Variants in INSR observed in about 807,000 individuals in gnomAD.
INSR encodes insulin receptor, also known as IR.
INSR carries 67 observed loss-of-function variants against 142.6 expected under a neutral mutation model. The observed-to-expected ratio is 0.47, with a 90% CI of 0.39 to 0.58. The LOEUF is 0.58. Ranked by LOEUF, INSR falls within the 20% of genes least tolerant of loss-of-function variation. The probability of loss-of-function intolerance (pLI) is 0.00; values close to 1 mark genes in which losing one functional copy is unlikely to be tolerated. For missense variants in INSR, 1,248 were observed against 1,833.2 expected, an observed-to-expected ratio of 0.68 and a Z score of 5.83; for synonymous variants, 756 against 743.1, an observed-to-expected ratio of 1.02 and a Z score of -0.28.
chr19:7,245,986 C>G (rs1976527313), intron 2 of INSR, among the ~76,000 whole-genome samples: 1 of 151,934 alleles, frequency 6.6e-6, no homozygotes, highest in South Asian at 2.1e-4. Context: ...AGTTAAATTC[C>G]TACTCAAAAA....
At chr19:7,124,200 A>T (rs1360181380) in intron 17 of INSR, among the ~76,000 whole-genome samples, 2 of 151,032 alleles carry the variant, frequency 1.3e-5, no homozygotes, top group Non-Finnish European at 1.5e-5. Flanking sequence ...CGTCTCTAAT[A>T]AAAAAAAGTA....
chr19:7,240,848 T>G (rs892594316), intron 2 of INSR, among the ~76,000 whole-genome samples: 6 of 152,214 alleles, frequency 3.9e-5, no homozygotes, highest in Non-Finnish European at 7.3e-5. Context: ...AAGATGTACA[T>G]GAAACATAAA....
chr19:7,158,680 T>A (rs960086141), intron 9 of INSR, among the ~76,000 whole-genome samples: 5 of 152,056 alleles, frequency 3.3e-5, no homozygotes, highest in Non-Finnish European at 5.9e-5. Context: ...ATGATGGTGG[T>A]AATGGCCGCA....
chr19:7,257,835 C>T (rs1413593369), intron 2 of INSR, among the ~76,000 whole-genome samples: 1 of 152,086 alleles, frequency 6.6e-6, no homozygotes, highest in South Asian at 2.1e-4. Flanking sequence ...ATGTCCAGCT[C>T]ATATATAGAC....
chr19:7,128,352 C>T (rs1238488645), intron 15 of INSR, among the ~76,000 whole-genome samples: 1 of 151,874 alleles, frequency 6.6e-6, no homozygotes, highest in African/African-American at 2.4e-5. Context: ...GCTGGGATTA[C>T]AGGCGCCCAC....
intron 1 of INSR, chr19:7,268,636 T>A: frequency 4.1e-6 from 4 of 981,934 alleles, no homozygotes; most frequent in Non-Finnish European, 4.8e-6. Context: ...CTCTGTAACA[T>A]GGCTTATATG....
At chr19:7,273,467 G>A (rs1433989319) in intron 1 of INSR, among the ~76,000 whole-genome samples, 3 of 151,908 alleles carry the variant, frequency 2.0e-5, no homozygotes, top group Non-Finnish European at 2.9e-5. Context: ...GGTAGAAAAA[G>A]GCAATGAGGA....
chr19:7,172,211 CA>C (rs869171538), intron 5 of INSR, 78 bp downstream of exon 5: 8 of 1,558,646 alleles, frequency 5.1e-6, no homozygotes, highest in Admixed American at 1.7e-5. Flanking sequence ...CACACCTGGC[CA>C]AAAAAATCCT....
Position 7,257,324 on chromosome 19 carries a change from G to A in INSR, c.652+10021C>T, listed in dbSNP as rs377571538. On this transcript the variant is annotated intron_variant, in intron 2 of 21. Coordinates refer to ENST00000302850, the MANE Select transcript of INSR (RefSeq NM_000208.4). The stretch of plus-strand genomic sequence containing the variant: ...TCCTGTCTTCTGTATGGACGACAGT[G>A]ACATCGCCACAAGGGAATTTATCAA... 7.2e-5 allele frequency among the ~76,000 whole-genome samples: 11 copies of A among 152,092 alleles called. No homozygotes were observed. The South Asian group carries it at 2.3e-3, about 32-fold the overall frequency.
intron 3 of INSR, among the ~76,000 whole-genome samples, chr19:7,178,753 G>A (rs1404182530): frequency 2.0e-5 from 3 of 152,042 alleles, no homozygotes; most frequent in Non-Finnish European, 4.4e-5. Flanking sequence ...AACTCTGGAC[G>A]CTGAAGCTCA....
intron 13 of INSR, among the ~76,000 whole-genome samples, chr19:7,139,003 A>G (rs961048189): frequency 1.3e-5 from 2 of 152,184 alleles, no homozygotes; most frequent in Admixed American, 6.5e-5. Flanking sequence ...TTCTGGGCTT[A>G]GCCATGGGCT....
At position 7,248,754 on chromosome 19, in the gene INSR, A is replaced by ATTTTTTTTTTTTTTTTT. The variant is rs552940485; in HGVS notation, c.652+18574_652+18590dup. On this transcript the variant is annotated intron_variant, in intron 2 of 21. Transcript: ENST00000302850. ...CCTGGACTATTCCCGGTTGGCCAGAATTTTTTTTTTTTTTTTTTTTTGAGA... is the reference window on the plus strand; with the variant it reads ...CCTGGACTATTCCCGGTTGGCCAGAATTTTTTTTTTTTTTTTTTTTTTTTTTTTTTTTTTTTTTGAGA... Among the ~76,000 whole-genome samples the ATTTTTTTTTTTTTTTTT allele has an allele frequency of 3.2e-4, 31 of 97,274 alleles. 3 individuals carry two copies. Among genetic ancestry groups the ATTTTTTTTTTTTTTTTT allele is most frequent in the African/African-American group, 1.0e-3 (23 of 22,132 alleles). The allele number at this position is 97,274 out of a possible 152,430, so 63.8% of individuals were successfully genotyped here.
chr19:7,213,098 C>G (rs1975324035), intron 2 of INSR, among the ~76,000 whole-genome samples: 1 of 152,098 alleles, frequency 6.6e-6, no homozygotes, highest in South Asian at 2.1e-4. Context: ...GTAATCCCAG[C>G]ACTTTGGGAG....
At chr19:7,173,855 C>T (rs995174808) in intron 4 of INSR, among the ~76,000 whole-genome samples, 1 of 151,966 alleles carries the variant, frequency 6.6e-6, no homozygotes, top group Admixed American at 6.6e-5. Flanking sequence ...CTTCTCACCT[C>T]ACGTGATCCA....
chr19:7,158,045 GTATTAT>G (rs72379188), intron 9 of INSR, among the ~76,000 whole-genome samples: 5,741 of 141,158 alleles, frequency 0.041, 144 homozygotes, highest in South Asian at 0.085. Context: ...GAAGCTCCTG[GTATTAT>G]TATTATTATT....
At chr19:7,270,335 TCTCTCACACA>T (rs1172049446) in intron 1 of INSR, among the ~76,000 whole-genome samples, 9 of 83,314 alleles carry the variant, frequency 1.1e-4, no homozygotes, top group South Asian at 3.8e-4. Context: ...TCTCTCTCTC[TCTCTCACACA>T]CACACACACA....
intron 2 of INSR, among the ~76,000 whole-genome samples, chr19:7,236,485 T>A (rs1976162587): frequency 6.6e-6 from 1 of 152,216 alleles, no homozygotes; most frequent in African/African-American, 2.4e-5. Flanking sequence ...CACAATGGAA[T>A]GCTACTGAAC....
chr19:7,150,527 G>A lies in INSR; in HGVS notation c.2237C>T (p.Thr746Ile), dbSNP rs1318732827. Residue 746 changes from threonine to isoleucine, a missense_variant, in exon 11 of 22, where the codon ACC (threonine) becomes ATC (isoleucine). Thr to Ile is a moderately conservative substitution (Grantham distance 89). This residue lies in a region of INSR where 1,069 missense variants were observed against 1,654.0 expected (regional missense o/e 0.65). Coordinates refer to ENST00000302850, the MANE Select transcript of INSR (RefSeq NM_000208.4). This position sits in a 1 kb window ranked among gnomAD's most constrained non-coding sequence, Gnocchi z 4.2. Reference sequence around the variant, plus strand: ...GTCCTCGGCACCAGTGCCTGAAGAGGTTTTTCTGTGGAAACAAAACCAACG... The same window carrying A: ...GTCCTCGGCACCAGTGCCTGAAGAGATTTTTCTGTGGAAACAAAACCAACG... The part of the protein sequence containing the change: ...LHNVVFVPRK[T>I]SSGTGAEDPR... 1 of 1,614,046 alleles carries A rather than the reference G, an allele frequency of 6.2e-7. No individual in the cohort carries two copies. Among genetic ancestry groups the A allele is most frequent in the East Asian group, 2.2e-5 (1 of 44,892 alleles).
chr19:7,117,812 G>A (rs933330942), intron 21 of INSR, among the ~76,000 whole-genome samples: 17 of 151,526 alleles, frequency 1.1e-4, no homozygotes, highest in Non-Finnish European at 2.4e-4. Flanking sequence ...TTGCTATGTT[G>A]CCCAGGCTGG....
Sources: allele counts gnomAD v4.1 joint callset (sites outside exome capture counted in the v4.1 genomes callset), GRCh38; gene constraint gnomAD v4.1.1; regional missense constraint gnomAD v4.1.1; non-coding constraint Gnocchi (gnomAD v3.1); transcripts MANE v1.5; gene names NCBI Gene and HGNC (gene_info 2026-07-23, HGNC 2026-07-21).